FBXO31: variants seen among roughly 807,000 people sequenced by gnomAD.
FBXO31 encodes F-box protein 31, also known as F-box only protein 31.
Under a neutral mutation model 54.4 loss-of-function variants are expected in FBXO31, and 24 were observed. The observed-to-expected ratio is 0.44, with a 90% CI of 0.32 to 0.62. The LOEUF (loss-of-function observed/expected upper bound fraction) is 0.62, where lower values mean the gene tolerates loss of function less well. Among genes scored for constraint, FBXO31 ranks in the 20% least tolerant of loss-of-function variants. The pLI, the probability that FBXO31 is intolerant of heterozygous loss-of-function variation, is 0.05. For missense variants in FBXO31, 665 were observed against 787.1 expected, an observed-to-expected ratio of 0.84 and a Z score of 1.86; for synonymous variants, 388 against 335.6, an observed-to-expected ratio of 1.16 and a Z score of -1.71.
intron 5 of FBXO31, among the ~76,000 whole-genome samples, 168 bp downstream of exon 5, chr16:87,342,709 G>C (rs935847867): frequency 6.6e-6 from 1 of 152,216 alleles, no homozygotes; most frequent in Non-Finnish European, 1.5e-5. Flanking sequence ...GCTGTTCCTC[G>C]AGTGTGCCGG....
At chr16:87,384,195 C>T (rs1173896603), upstream of FBXO31, 1 of 152,650 alleles carries the variant, frequency 6.6e-6, no homozygotes, top group Non-Finnish European at 1.5e-5. Flanking sequence ...CCGCGCCGGC[C>T]GGTGAGTAGA....
intron 1 of FBXO31, among the ~76,000 whole-genome samples, chr16:87,373,669 A>T (rs1361063794): frequency 1.3e-5 from 2 of 151,938 alleles, no homozygotes; most frequent in Non-Finnish European, 2.9e-5. Context: ...AGGAACTGGG[A>T]CTACAGGTGT....
intron 1 of FBXO31, among the ~76,000 whole-genome samples, chr16:87,380,552 C>G (rs1363012129): frequency 6.6e-6 from 1 of 152,082 alleles, no homozygotes; most frequent in Non-Finnish European, 1.5e-5. Flanking sequence ...CCATGACTGG[C>G]TAACTTTTGT....
chr16:87,335,235 C>T lies in FBXO31; in HGVS notation c.996+69G>A. 6.3e-7 allele frequency: 1 copy of T among 1,598,876 alleles called. No homozygotes were observed. The highest frequency in any genetic ancestry group is 2.2e-5 in the East Asian group (1 of 44,826). On this transcript the variant is annotated intron_variant, in intron 7 of 8. Transcript: ENST00000311635. This position sits in a 1 kb window ranked among gnomAD's most constrained non-coding sequence, Gnocchi z 5.7. Reference sequence around the variant, plus strand: ...CCGGGGATCAGTGTCTGCCCAAGTTCCCTGACTCCACAGCCCACTTGGGCC... The same window carrying T: ...CCGGGGATCAGTGTCTGCCCAAGTTTCCTGACTCCACAGCCCACTTGGGCC...
At chr16:87,348,701 G>C (rs923626748) in intron 2 of FBXO31, among the ~76,000 whole-genome samples, 1 of 152,186 alleles carries the variant, frequency 6.6e-6, no homozygotes, top group Non-Finnish European at 1.5e-5. Flanking sequence ...GGCCCCTAAC[G>C]GTGGGACAGA....
intron 1 of FBXO31, among the ~76,000 whole-genome samples, chr16:87,368,574 G>C (rs1422304545): frequency 1.3e-5 from 2 of 151,590 alleles, no homozygotes; most frequent in African/African-American, 4.9e-5. Context: ...AGTGTTGCAG[G>C]CTGTTAATGC....
chr16:87,363,392 A>G (rs529786531), intron 1 of FBXO31, among the ~76,000 whole-genome samples: 1 of 152,290 alleles, frequency 6.6e-6, no homozygotes, highest in East Asian at 1.9e-4. Flanking sequence ...CTCAAAAAAA[A>G]TAAAAATAAA....
chr16:87,370,900 T>C (rs1451178026), intron 1 of FBXO31, among the ~76,000 whole-genome samples: 1 of 152,180 alleles, frequency 6.6e-6, no homozygotes, highest in Non-Finnish European at 1.5e-5. Flanking sequence ...ATTTTTCTGC[T>C]TCTGAGGCTA....
At chr16:87,385,045 C>CTG (rs1907278949), upstream of FBXO31, among the ~76,000 whole-genome samples, 1 of 151,950 alleles carries the variant, frequency 6.6e-6, no homozygotes, top group Non-Finnish European at 1.5e-5. Flanking sequence ...ACAGGCCAGG[C>CTG]GCAGTGGCTC....
At chr16:87,386,434 A>T (rs1246766245), upstream of FBXO31, among the ~76,000 whole-genome samples, 1 of 152,074 alleles carries the variant, frequency 6.6e-6, no homozygotes, top group African/African-American at 2.4e-5. Flanking sequence ...TTTTATATTT[A>T]TGTATTTATT....
At chr16:87,380,872 T>C (rs1357127622) in intron 1 of FBXO31, among the ~76,000 whole-genome samples, 1 of 152,258 alleles carries the variant, frequency 6.6e-6, no homozygotes, top group African/African-American at 2.4e-5. Flanking sequence ...TCTAAGAATT[T>C]ATTCTGAGTT....
In FBXO31 at chr16:87,329,332, G is replaced by C. The variant is rs1018522898; in HGVS notation, c.*1956C>G. On this transcript the variant is annotated 3_prime_UTR_variant, in exon 9 of 9. Coordinates refer to ENST00000311635, the MANE Select transcript of FBXO31 (RefSeq NM_024735.5). Reference sequence around the variant, plus strand: ...ATTTCTATACCCAAACACTGGAAGCGTAATTGAGATCTGAGATTCCTTTAA... The same window carrying C: ...ATTTCTATACCCAAACACTGGAAGCCTAATTGAGATCTGAGATTCCTTTAA... 1 of 152,332 alleles carries C rather than the reference G, an allele frequency of 6.6e-6. No homozygotes were observed. The highest frequency in any genetic ancestry group is 6.5e-5 in the Admixed American group (1 of 15,292). The allele number at this position is 152,332 out of a possible 1,614,324, so 9.4% of individuals were successfully genotyped here.
intron 1 of FBXO31, among the ~76,000 whole-genome samples, chr16:87,370,518 C>A (rs536891580): frequency 6.6e-6 from 1 of 152,322 alleles, no homozygotes; most frequent in East Asian, 1.9e-4. Context: ...CTGCAGAGTT[C>A]AGCTGGTAGG....
intron 8 of FBXO31, 139 bp downstream of exon 8, chr16:87,333,747 G>A (rs546868308): frequency 6.8e-5 from 89 of 1,308,664 alleles, no homozygotes; most frequent in East Asian, 3.2e-4. Context: ...GTCAGAGGCC[G>A]CACTCCTGTC....
chr16:87,331,668 C>G (rs1002847894), intron 8 of FBXO31, among the ~76,000 whole-genome samples, 158 bp from the exon 9 acceptor site: 1 of 152,200 alleles, frequency 6.6e-6, no homozygotes, highest in Non-Finnish European at 1.5e-5. Flanking sequence ...TCTGCAGGGG[C>G]AGCTGGGGGT....
Position 87,327,005 on chromosome 16 carries a change from T to C in FBXO31, c.*4283A>G, listed in dbSNP as rs1904667632. On this transcript the variant is annotated 3_prime_UTR_variant, in exon 9 of 9. Coordinates refer to ENST00000311635, the MANE Select transcript of FBXO31 (RefSeq NM_024735.5). The stretch of plus-strand genomic sequence containing the variant: ...CACAACAAGCCTTCAAAAACGGATT[T>C]ACTTGAAACTGTGAGGAGAAACAAG... 6.6e-6 allele frequency: 1 copy of C among 152,338 alleles called. No individual in the cohort carries two copies. The highest frequency in any genetic ancestry group is 2.4e-5 in the African/African-American group (1 of 41,464). The allele number at this position is 152,338 out of a possible 1,614,324, so 9.4% of individuals were successfully genotyped here. A position where few individuals can be genotyped will look rare whatever the true frequency, so the allele number is the denominator to read the frequency against.
chr16:87,340,089 C>T (rs529925708), intron 5 of FBXO31, among the ~76,000 whole-genome samples: 1 of 152,320 alleles, frequency 6.6e-6, no homozygotes, highest in East Asian at 1.9e-4. Context: ...TCGAGACCAA[C>T]CTGGCCAACA....
intron 3 of FBXO31, 79 bp from the exon 4 acceptor site, chr16:87,343,844 G>A (rs933519374): frequency 1.3e-6 from 2 of 1,509,896 alleles, no homozygotes; most frequent in African/African-American, 1.4e-5. Context: ...TCCCCGCACT[G>A]CAATGGCACA....
intron 1 of FBXO31, among the ~76,000 whole-genome samples, chr16:87,382,411 C>T (rs1052086979): frequency 6.6e-6 from 1 of 152,140 alleles, no homozygotes; most frequent in Non-Finnish European, 1.5e-5. Flanking sequence ...CTAACCTGTC[C>T]TTTTTACCTA....
Sources: allele counts gnomAD v4.1 joint callset (sites outside exome capture counted in the v4.1 genomes callset), GRCh38; gene constraint gnomAD v4.1.1; non-coding constraint Gnocchi (gnomAD v3.1); transcripts MANE v1.5; gene names NCBI Gene and HGNC (gene_info 2026-07-23, HGNC 2026-07-21).